DIAPH3: variants seen among roughly 807,000 people sequenced by gnomAD.
DIAPH3 encodes the protein protein diaphanous homolog 3.
DIAPH3 carries 117 observed loss-of-function variants against 144.3 expected under a neutral mutation model. That is an observed-to-expected ratio of 0.81 (90% confidence interval 0.70 to 0.95). DIAPH3 has a LOEUF of 0.95. DIAPH3 is among the 40% of genes least tolerant of loss of function. The pLI is 0.00. For synonymous variants in DIAPH3, 519 were observed against 488.9 expected, an observed-to-expected ratio of 1.06 and a Z score of -0.81; for missense variants, 1,421 against 1,412.7, an observed-to-expected ratio of 1.01 and a Z score of -0.09.
intron 4 of DIAPH3, among the ~76,000 whole-genome samples, chr13:60,056,337 T>C (rs1320426713): frequency 6.6e-6 from 1 of 151,462 alleles, no homozygotes; most frequent in Non-Finnish European, 1.5e-5. Context: ...TACAGATACA[T>C]AGACATAGAT....
At chr13:59,901,941 T>C (rs893491513) in intron 20 of DIAPH3, among the ~76,000 whole-genome samples, 1 of 152,178 alleles carries the variant, frequency 6.6e-6, no homozygotes, top group Non-Finnish European at 1.5e-5. Flanking sequence ...GCGATTCTCA[T>C]GCCTCAGCCA....
At chr13:59,833,036 C>A (rs141626456) in intron 24 of DIAPH3, 71 bp downstream of exon 24, 1 of 1,133,260 alleles carries the variant, frequency 8.8e-7, no homozygotes, top group Non-Finnish European at 1.3e-6. Flanking sequence ...AAGAGTAGAA[C>A]GATGTAATGA....
intron 20 of DIAPH3, among the ~76,000 whole-genome samples, chr13:59,890,471 C>T (rs1263175782): frequency 2.0e-5 from 3 of 151,862 alleles, no homozygotes; most frequent in South Asian, 4.2e-4. Flanking sequence ...GTTTTATCAC[C>T]GTTAGCAGTT....
intron 20 of DIAPH3, among the ~76,000 whole-genome samples, chr13:59,898,134 C>CAAAAAA (rs34238599): frequency 0.013 from 907 of 71,600 alleles, no homozygotes; most frequent in Non-Finnish European, 0.014. Flanking sequence ...GACTCTGCCT[C>CAAAAAA]AAAAAAAAAA....
chr13:60,057,027 C>G (rs971610204), intron 4 of DIAPH3, among the ~76,000 whole-genome samples: 1 of 151,878 alleles, frequency 6.6e-6, no homozygotes, highest in African/African-American at 2.4e-5. Context: ...TTCACCACTT[C>G]CATTCAACAC....
At position 60,115,880 on chromosome 13, in the gene DIAPH3, G is replaced by A. The variant is rs76426223; in HGVS notation, c.214-3694C>T. 1.7e-4 allele frequency among the ~76,000 whole-genome samples: 26 copies of A among 152,070 alleles called. 1 individual carries two copies. The East Asian group carries it at 5.0e-3, about 29-fold the overall frequency. On this transcript the variant is annotated intron_variant, in intron 2 of 27. Coordinates refer to ENST00000400324, the MANE Select transcript of DIAPH3 (RefSeq NM_001042517.2). ...AAAACCTGTGTGTAAGGGGATCTGG[G>A]CAGTTCAAATCAATGTTGTTCCAGG... is the stretch of plus-strand genomic sequence containing the variant.
intron 4 of DIAPH3, among the ~76,000 whole-genome samples, chr13:60,043,521 G>A (rs1464151754): frequency 6.6e-6 from 1 of 152,058 alleles, no homozygotes; most frequent in Non-Finnish European, 1.5e-5. Context: ...CACATGCAGA[G>A]AAAAACAAAA....
At chr13:59,983,146 A>AAAC (rs2051132427) in intron 13 of DIAPH3, among the ~76,000 whole-genome samples, 1 of 149,756 alleles carries the variant, frequency 6.7e-6, no homozygotes, top group Non-Finnish European at 1.5e-5. Context: ...CTTTAAAAAA[A>AAAC]AAAAAAAAAA....
intron 24 of DIAPH3, among the ~76,000 whole-genome samples, chr13:59,826,069 A>G (rs752418398): frequency 4.4e-4 from 67 of 152,180 alleles, no homozygotes; most frequent in Admixed American, 1.8e-3. Flanking sequence ...CCCACAGCCA[A>G]TATCATACTG....
At chr13:59,687,551 C>T (rs1440635859) in intron 27 of DIAPH3, among the ~76,000 whole-genome samples, 1 of 151,978 alleles carries the variant, frequency 6.6e-6, no homozygotes, top group Non-Finnish European at 1.5e-5. Context: ...GCTAAGAATA[C>T]AGGAAGTAGA....
intron 27 of DIAPH3, among the ~76,000 whole-genome samples, chr13:59,693,192 G>A (rs1288013925): frequency 1.3e-5 from 2 of 152,162 alleles, no homozygotes; most frequent in African/African-American, 4.8e-5. Flanking sequence ...CTTATGACTG[G>A]AAAGTAGTGA....
intron 22 of DIAPH3, among the ~76,000 whole-genome samples, chr13:59,860,740 A>G (rs1030431648): frequency 6.6e-6 from 1 of 152,104 alleles, no homozygotes; most frequent in African/African-American, 2.4e-5. Flanking sequence ...TCCATCTCAA[A>G]AAAAGGAAAA....
At chr13:59,841,406 C>A (rs1402137756) in intron 22 of DIAPH3, among the ~76,000 whole-genome samples, 4 of 151,636 alleles carry the variant, frequency 2.6e-5, no homozygotes, top group African/African-American at 9.7e-5. Flanking sequence ...GCCTGGACAA[C>A]AACAAGACTC....
chr13:60,151,617 T>C (rs1480227809), intron 1 of DIAPH3, among the ~76,000 whole-genome samples: 1 of 152,216 alleles, frequency 6.6e-6, no homozygotes, highest in African/African-American at 2.4e-5. Context: ...TGATTTTCAA[T>C]TAGCCAAACA....
At chr13:59,904,392 A>G (rs1427928425) in intron 20 of DIAPH3, among the ~76,000 whole-genome samples, 1 of 152,202 alleles carries the variant, frequency 6.6e-6, no homozygotes, top group Non-Finnish European at 1.5e-5. Flanking sequence ...TACTTTAAAT[A>G]TATGCCATTT....
chr13:60,015,842 A>C (rs1177970293), intron 7 of DIAPH3, 71 bp downstream of exon 7: 15 of 1,306,142 alleles, frequency 1.1e-5, no homozygotes, highest in Non-Finnish European at 1.5e-5. Flanking sequence ...ATTTACCATC[A>C]CTTTACTGCA....
intron 21 of DIAPH3, among the ~76,000 whole-genome samples, chr13:59,862,629 T>A (rs1216273159): frequency 6.6e-6 from 1 of 152,172 alleles, no homozygotes; most frequent in African/African-American, 2.4e-5. Flanking sequence ...TTGGACAAGG[T>A]AAATTTGAAG....
At chr13:59,675,033 A>C (rs1202885177) in intron 27 of DIAPH3, among the ~76,000 whole-genome samples, 1 of 152,186 alleles carries the variant, frequency 6.6e-6, no homozygotes, top group African/African-American at 2.4e-5. Flanking sequence ...CACATACTAC[A>C]TACCTGATAA....
intron 17 of DIAPH3, among the ~76,000 whole-genome samples, chr13:59,950,742 G>T (rs1185754172): frequency 6.6e-6 from 1 of 151,944 alleles, no homozygotes; most frequent in Non-Finnish European, 1.5e-5. Flanking sequence ...ATACTTAATA[G>T]CTGTGATATA....
Sources: gnomAD v4.1 joint callset for allele counts (sites outside exome capture counted in the v4.1 genomes callset) on GRCh38, gnomAD v4.1.1 for gene constraint, MANE v1.5 for transcripts, NCBI Gene and HGNC (gene_info 2026-07-23, HGNC 2026-07-21) for gene names.